The following EPHB2 variants were observed in gnomAD, a reference collection of about 807,000 sequenced individuals.
EPHB2 encodes ephrin type-B receptor 2.
Under a neutral mutation model 96.4 loss-of-function variants are expected in EPHB2, and 18 were observed. The ratio of observed to expected loss-of-function variants is 0.19; its 90% CI spans 0.13 to 0.28. The LOEUF is 0.28. Among genes scored for constraint, EPHB2 ranks in the 10% least tolerant of loss-of-function variants. The pLI, the probability that EPHB2 is intolerant of heterozygous loss-of-function variation, is 1.00. For synonymous variants in EPHB2, 506 were observed against 534.1 expected (o/e 0.95, Z 0.72); for missense variants, 989 against 1,355.4 (o/e 0.73, Z 4.25).
At chr1:22,849,478 C>T (rs141842105) in intron 3 of EPHB2, among the ~76,000 whole-genome samples, 157 of 152,302 alleles carry the variant, frequency 1.0e-3, no homozygotes, top group African/African-American at 3.6e-3. Flanking sequence ...TAACCAGAAC[C>T]GAGCAGTCTA....
intron 5 of EPHB2, among the ~76,000 whole-genome samples, chr1:22,876,263 G>A (rs900887597): frequency 1.3e-5 from 2 of 152,116 alleles, no homozygotes; most frequent in African/African-American, 2.4e-5. Context: ...GGGTTGTGAG[G>A]GGAAGCTGAG....
intron 3 of EPHB2, among the ~76,000 whole-genome samples, chr1:22,808,923 C>A (rs1644966549): frequency 6.6e-6 from 1 of 152,224 alleles, no homozygotes; most frequent in African/African-American, 2.4e-5. Context: ...GACCTCGTGG[C>A]CCCCAGAGCT....
chr1:22,886,806 A>C (rs1287725385), intron 6 of EPHB2, among the ~76,000 whole-genome samples: 1 of 151,856 alleles, frequency 6.6e-6, no homozygotes, highest in Admixed American at 6.6e-5. Context: ...TTGTATTTTA[A>C]GTAGAGACGG....
At chr1:22,871,466 C>T (rs1057242213) in intron 5 of EPHB2, among the ~76,000 whole-genome samples, 3 of 152,202 alleles carry the variant, frequency 2.0e-5, no homozygotes, top group African/African-American at 7.2e-5. Flanking sequence ...TGGCCCCTTC[C>T]AAGCTGTGTA....
chr1:22,782,140 T>G (rs1644541957), intron 2 of EPHB2, among the ~76,000 whole-genome samples: 1 of 152,214 alleles, frequency 6.6e-6, no homozygotes, highest in African/African-American at 2.4e-5. Flanking sequence ...GTCTTAGCTC[T>G]GCCACTCACC....
At chr1:22,789,260 G>A (rs890369462) in intron 3 of EPHB2, among the ~76,000 whole-genome samples, 6 of 152,238 alleles carry the variant, frequency 3.9e-5, no homozygotes, top group African/African-American at 1.4e-4. Context: ...GATGTGGTTT[G>A]AAAAGATGCA....
At chr1:22,716,318 G>A (rs891921550) in intron 1 of EPHB2, among the ~76,000 whole-genome samples, 1 of 151,366 alleles carries the variant, frequency 6.6e-6, no homozygotes, top group Non-Finnish European at 1.5e-5. Context: ...CTTCATCAGC[G>A]CCAAAGTGGG....
chr1:22,795,707 GA>G (rs1159278473), intron 3 of EPHB2, among the ~76,000 whole-genome samples: 1 of 152,150 alleles, frequency 6.6e-6, no homozygotes, highest in Non-Finnish European at 1.5e-5. Flanking sequence ...TAGAGACAAG[GA>G]AAACTGAGGA....
intron 3 of EPHB2, among the ~76,000 whole-genome samples, chr1:22,853,008 C>T (rs1171860040): frequency 6.6e-6 from 1 of 152,210 alleles, no homozygotes; most frequent in Admixed American, 6.5e-5. Context: ...CCAGAGGCCT[C>T]GAGCAAAATC....
intron 6 of EPHB2, among the ~76,000 whole-genome samples, chr1:22,888,099 T>C (rs1639283975): frequency 6.6e-6 from 1 of 152,104 alleles, no homozygotes; most frequent in Admixed American, 6.5e-5. Flanking sequence ...CAGGCTGGAG[T>C]GTCATGACGC....
rs75341224 is a variant in EPHB2 at position 22,902,928 on chromosome 1, C to T, written c.1766-3059C>T. Among the ~76,000 whole-genome samples, 25 of 152,186 alleles carry T rather than the reference C, an allele frequency of 1.6e-4. No homozygotes were observed. In the East Asian group the frequency reaches 4.8e-3, roughly 29 times the overall value. On this transcript the variant is annotated intron_variant, in intron 9 of 15. Transcript: ENST00000374630. ...GAGGGGATGGCATTTGATCTGGTCA[C>T]AAAAAGAAAGAGAGAGTGTTCCAGG...
chr1:22,916,196 C>G lies in EPHB2; in HGVS notation c.*2626C>G, dbSNP rs556205923. The G allele has an allele frequency of 3.3e-5, 5 of 152,400 alleles. No homozygotes were observed. The highest frequency in any genetic ancestry group is 1.2e-4 in the African/African-American group (5 of 41,586). 9.4% of individuals were successfully genotyped at this position (152,400 alleles called of 1,614,324 possible). ...CCTTCTGGTGGGAGCTGCCCTGATG[C>G]TCTTTAGATTAGTTCTGTCTCCCCA... is the stretch of plus-strand genomic sequence containing the variant. On this transcript the variant is annotated 3_prime_UTR_variant, in exon 16 of 16. Coordinates refer to ENST00000374630, the MANE Select transcript of EPHB2 (RefSeq NM_017449.5). The surrounding 1 kb of genome is among the most constrained non-coding windows in gnomAD (Gnocchi z 4.2).
intron 1 of EPHB2, among the ~76,000 whole-genome samples, chr1:22,716,472 CA>C (rs1643298240): frequency 6.6e-6 from 1 of 152,206 alleles, no homozygotes; most frequent in Admixed American, 6.5e-5. Context: ...GCTGGGACTA[CA>C]GGCATGTGCC....
At chr1:22,823,364 T>C (rs1249750914) in intron 3 of EPHB2, among the ~76,000 whole-genome samples, 1 of 152,242 alleles carries the variant, frequency 6.6e-6, no homozygotes, top group African/African-American at 2.4e-5. Flanking sequence ...TGGGTTTGGC[T>C]TTCTCTTTAC....
intron 1 of EPHB2, among the ~76,000 whole-genome samples, chr1:22,720,673 C>CCCCG (rs1389860328): frequency 1.6e-5 from 2 of 122,290 alleles, no homozygotes; most frequent in East Asian, 3.1e-4. Context: ...CCCCCCCCCC[C>CCCCG]GCCCCAGCAC....
chr1:22,866,558 C>A (rs1402522453), intron 5 of EPHB2, among the ~76,000 whole-genome samples: 17 of 152,076 alleles, frequency 1.1e-4, no homozygotes, highest in Admixed American at 1.1e-3. Flanking sequence ...GCTGCTTCAC[C>A]CAGCCAGTAG....
intron 7 of EPHB2, 24 bp downstream of exon 7, chr1:22,893,070 A>C: frequency 6.2e-7 from 1 of 1,614,098 alleles, no homozygotes; most frequent in Non-Finnish European, 8.5e-7. Context: ...AGCGGGCAAG[A>C]GGAGGGCACA....
chr1:22,779,252 T>A (rs527745000), intron 1 of EPHB2, among the ~76,000 whole-genome samples: 1 of 152,330 alleles, frequency 6.6e-6, no homozygotes, highest in East Asian at 1.9e-4. Flanking sequence ...TCCCTCCAAT[T>A]TGCCATCAAA....
chr1:22,908,344 G>A (rs574030226), intron 12 of EPHB2, among the ~76,000 whole-genome samples, 176 bp downstream of exon 12: 15 of 152,258 alleles, frequency 9.9e-5, no homozygotes, highest in Non-Finnish European at 1.9e-4. Flanking sequence ...CCACACTGGT[G>A]GGGAACAAAT....
Sources: gnomAD v4.1 joint callset for allele counts (sites outside exome capture counted in the v4.1 genomes callset) on GRCh38, gnomAD v4.1.1 for gene constraint, Gnocchi (gnomAD v3.1) non-coding constraint, MANE v1.5 for transcripts, NCBI Gene and HGNC (gene_info 2026-07-23, HGNC 2026-07-21) for gene names.